The following SETD3 variants were observed in gnomAD, a reference collection of about 807,000 sequenced individuals.
The protein encoded by SETD3 is actin-histidine N-methyltransferase.
In SETD3, 19 loss-of-function variants were observed where a neutral mutation model predicts 63.0. The observed-to-expected ratio is 0.30, with a 90% confidence interval of 0.21 to 0.44. SETD3 has a LOEUF of 0.44. Ranked by LOEUF, SETD3 falls within the 20% of genes least tolerant of loss-of-function variation. The pLI is 1.00. For synonymous variants in SETD3, 286 were observed against 264.1 expected, an observed-to-expected ratio of 1.08 and a Z score of -0.80; for missense variants, 587 against 728.5, an observed-to-expected ratio of 0.81 and a Z score of 2.24.
At chr14:99,465,328 A>G (rs1370666870) in intron 2 of SETD3, among the ~76,000 whole-genome samples, 1 of 152,170 alleles carries the variant, frequency 6.6e-6, no homozygotes, top group Non-Finnish European at 1.5e-5. Flanking sequence ...GACAGTTATT[A>G]TCTATGTTTA....
chr14:99,443,255 ATTTT>A (rs996583091), intron 6 of SETD3, among the ~76,000 whole-genome samples: 2 of 108,756 alleles, frequency 1.8e-5, no homozygotes, highest in South Asian at 5.9e-4. Flanking sequence ...CTGAACTCCC[ATTTT>A]TTTTTTTTTT....
At chr14:99,421,849 T>C (rs867481085) in intron 6 of SETD3, among the ~76,000 whole-genome samples, 4 of 152,198 alleles carry the variant, frequency 2.6e-5, no homozygotes, top group Admixed American at 6.5e-5. Context: ...TGGAGTTTAC[T>C]TCAAGGCAGA....
In SETD3 at chr14:99,465,494, G is replaced by A. The variant is rs553472871; in HGVS notation, c.103+209C>T. Among the ~76,000 whole-genome samples, 368 of 152,328 alleles carry A rather than the reference G, an allele frequency of 2.4e-3. 3 individuals are homozygous for A. The highest frequency in any genetic ancestry group is 8.6e-3 in the African/African-American group (356 of 41,572). On this transcript the variant is annotated intron_variant, in intron 2 of 12. Coordinates refer to ENST00000331768, the MANE Select transcript of SETD3 (RefSeq NM_032233.3). ...CTCACAATTACTTCACCCAAGCCTTGTTAACAGCCACACAGTTCTGACGGG... is the reference window on the plus strand; with the variant it reads ...CTCACAATTACTTCACCCAAGCCTTATTAACAGCCACACAGTTCTGACGGG...
Position 99,447,469 on chromosome 14 carries a change from A to G in SETD3, c.675+10810T>C, listed in dbSNP as rs372916832. On this transcript the variant is annotated intron_variant, in intron 6 of 12. Transcript: ENST00000331768. ...CATTTATGGAAATGATGAAAATGAG[A>G]TATGTGTTTAGAATGAGTAATTTAC... Among the ~76,000 whole-genome samples the G allele has an allele frequency of 1.1e-4, 17 of 152,382 alleles. No homozygotes were observed. The South Asian group carries it at 2.7e-3, about 24-fold the overall frequency.
intron 6 of SETD3, among the ~76,000 whole-genome samples, chr14:99,452,160 G>A (rs1174797876): frequency 6.6e-6 from 1 of 152,074 alleles, no homozygotes; most frequent in Non-Finnish European, 1.5e-5. Context: ...AGGCTAGAGT[G>A]CAGTGGCACG....
At chr14:99,473,048 C>T (rs1317910235) in intron 1 of SETD3, among the ~76,000 whole-genome samples, 1 of 152,174 alleles carries the variant, frequency 6.6e-6, no homozygotes, top group African/African-American at 2.4e-5. Flanking sequence ...CCCTTTAAAA[C>T]ACCACATACC....
At chr14:99,437,492 T>C (rs1255654736) in intron 6 of SETD3, among the ~76,000 whole-genome samples, 1 of 152,220 alleles carries the variant, frequency 6.6e-6, no homozygotes, top group Admixed American at 6.5e-5. Flanking sequence ...TCCACTAGAC[T>C]GAATGCTCCT....
chr14:99,483,693 A>G (rs1896412933), upstream of SETD3, among the ~76,000 whole-genome samples: 1 of 152,248 alleles, frequency 6.6e-6, no homozygotes, highest in Non-Finnish European at 1.5e-5. Flanking sequence ...GTGTGTAGAC[A>G]CAAGAGTTAA....
chr14:99,432,649 G>A (rs953509622), intron 6 of SETD3, among the ~76,000 whole-genome samples: 3 of 152,234 alleles, frequency 2.0e-5, no homozygotes, highest in Non-Finnish European at 4.4e-5. Flanking sequence ...CAAGGATTAA[G>A]AAGAGATGGA....
Position 99,459,199 on chromosome 14 carries a change from T to C in SETD3, c.346-14A>G, listed in dbSNP as rs750255344. ...CAATTCTTCTGCCTAGGGAAAAAAA[T>C]AATAATAGGAGAATCATCAAAACAC... On this transcript the variant is annotated splice_polypyrimidine_tract_variant and intron_variant, in intron 4 of 12. Coordinates refer to ENST00000331768, the MANE Select transcript of SETD3 (RefSeq NM_032233.3). The C allele has an allele frequency of 4.4e-6, 7 of 1,582,440 alleles. No individual in the cohort carries two copies. Among genetic ancestry groups the C allele is most frequent in the Non-Finnish European group, 5.2e-6 (6 of 1,154,806 alleles).
intron 11 of SETD3, among the ~76,000 whole-genome samples, chr14:99,401,190 CACTT>C (rs1210260477): frequency 6.6e-6 from 1 of 151,888 alleles, no homozygotes; most frequent in Non-Finnish European, 1.5e-5. Flanking sequence ...CCATCTCTCT[CACTT>C]GTCAGGAATT....
At chr14:99,475,019 T>C (rs896094394) in intron 1 of SETD3, among the ~76,000 whole-genome samples, 20 of 152,180 alleles carry the variant, frequency 1.3e-4, no homozygotes, top group African/African-American at 4.8e-4. Context: ...AGGTTCCTAT[T>C]TAATGGAAGT....
chr14:99,403,466 C>G (rs1891505449), intron 11 of SETD3, among the ~76,000 whole-genome samples: 2 of 138,562 alleles, frequency 1.4e-5, no homozygotes. Context: ...CTCTCTCTCT[C>G]TCTCTCTCTC....
intron 6 of SETD3, among the ~76,000 whole-genome samples, chr14:99,441,199 G>C (rs1163825769): frequency 6.6e-6 from 1 of 152,208 alleles, no homozygotes; most frequent in Non-Finnish European, 1.5e-5. Context: ...ACCCAGTGTG[G>C]GGTGTGGCGG....
At chr14:99,401,093 C>T (rs1021600802) in intron 11 of SETD3, among the ~76,000 whole-genome samples, 1 of 150,738 alleles carries the variant, frequency 6.6e-6, no homozygotes, top group Non-Finnish European at 1.5e-5. Context: ...GAGCTGTGAT[C>T]GCACCACTGC....
At chr14:99,481,571 C>T (rs1437540320), upstream of SETD3, 4 of 397,748 alleles carry the variant, frequency 1.0e-5, no homozygotes, top group African/African-American at 6.2e-5. Context: ...TATCCACTGG[C>T]GGAGTCTCTC....
chr14:99,471,126 T>G (rs1220326181), intron 1 of SETD3, among the ~76,000 whole-genome samples: 1 of 152,192 alleles, frequency 6.6e-6, no homozygotes, highest in African/African-American at 2.4e-5. Context: ...TAAACTCTTT[T>G]ACCCACTGTC....
chr14:99,482,362 G>C (rs777352709), upstream of SETD3, among the ~76,000 whole-genome samples: 1 of 152,238 alleles, frequency 6.6e-6, no homozygotes, highest in Admixed American at 6.5e-5. Context: ...GATGTTGCTA[G>C]AATGAAAGCG....
chr14:99,419,551 G>A (rs1333932388), intron 6 of SETD3, among the ~76,000 whole-genome samples: 2 of 152,036 alleles, frequency 1.3e-5, no homozygotes, highest in African/African-American at 2.4e-5. Flanking sequence ...CGAAGCGGGC[G>A]GATCACGAGG....
Sources: gnomAD v4.1 joint callset for allele counts (sites outside exome capture counted in the v4.1 genomes callset) on GRCh38, gnomAD v4.1.1 for gene constraint, MANE v1.5 for transcripts, NCBI Gene and HGNC (gene_info 2026-07-23, HGNC 2026-07-21) for gene names.